The following CCDC14 variants were observed in gnomAD, a reference collection of about 807,000 sequenced individuals.
CCDC14 encodes the protein coiled-coil domain containing 14, also known as coiled-coil domain-containing protein 14.
A neutral mutation model predicts 81.4 loss-of-function variants in CCDC14; 71 were observed. That is an observed-to-expected ratio of 0.87 (90% CI 0.72 to 1.06). The LOEUF (loss-of-function observed/expected upper bound fraction) is 1.06, where lower values mean the gene tolerates loss of function less well. Among genes scored for constraint, CCDC14 ranks in the 50% least tolerant of loss-of-function variants. The pLI is 0.00. For missense variants in CCDC14, 1,046 were observed against 1,047.3 expected (o/e 1.00, Z 0.02); for synonymous variants, 332 against 364.8 (o/e 0.91, Z 1.03).
At chr3:123,934,208 G>A (rs1254509504) in intron 9 of CCDC14, among the ~76,000 whole-genome samples, 1 of 138,852 alleles carries the variant, frequency 7.2e-6, no homozygotes, top group African/African-American at 2.7e-5. Flanking sequence ...GGGAGGTGGA[G>A]GTTGCAGTGA....
rs2035682403 is a variant in CCDC14, at chr3:123,931,230, C to T, written c.1650G>A (p.Leu550=). 1.2e-6 allele frequency: 2 copies of T among 1,601,042 alleles called. No homozygotes were observed. The change falls in exon 12 of 13, where the codon TTG becomes TTA. Residue 550 remains leucine, a synonymous_variant. Transcript: ENST00000409697. ...TTTTCACATTGACTAGGGCTTCCTC[C>T]AATTCTAAAACAACAAAAGTTTCAG... is the stretch of plus-strand genomic sequence containing the variant. ...DIEITRIKIE[L]EEALVNVKSS... is the part of the protein sequence containing the mutation.
Position 123,931,490 on chromosome 3 carries a change from T to C in CCDC14, c.1463A>G (p.Asn488Ser), listed in dbSNP as rs1294234157. 1 of 1,572,014 alleles carries C rather than the reference T, an allele frequency of 6.4e-7. No homozygotes were observed. ...SLQSLNMSLQ[N>S]QLEESLKSQE... is the part of the protein sequence containing the mutation. Reference sequence around the variant, plus strand: ...GCTCTTTAGTGACTCCTCCAATTGATTTTGCAGTGACATATTCAATGACTG... The same window carrying C: ...GCTCTTTAGTGACTCCTCCAATTGACTTTGCAGTGACATATTCAATGACTG... The change falls in exon 11 of 13, where the codon AAT (asparagine) becomes AGT (serine). Residue 488 changes from asparagine to serine, a missense_variant. By Grantham distance (46) the Asn-to-Ser change is conservative. Coordinates refer to ENST00000409697, the MANE Select transcript of CCDC14 (RefSeq NM_001366335.1).
At chr3:123,895,173 T>G (rs1043849456), downstream of CCDC14, among the ~76,000 whole-genome samples, 1 of 152,140 alleles carries the variant, frequency 6.6e-6, no homozygotes, top group African/African-American at 2.4e-5. Context: ...CCCATTTATT[T>G]TTACTACCTT....
rs751489937 is a variant in CCDC14, at chr3:123,947,358, A to G, written c.685-39T>C. On this transcript the variant is annotated intron_variant, in intron 7 of 12. Coordinates refer to ENST00000409697, the MANE Select transcript of CCDC14 (RefSeq NM_001366335.1). ...AAAACAAGTCTTCAGAAGTATGAGC[A>G]CTCATTTGTAGGTATTAATTACAAC... 5.4e-6 allele frequency: 8 copies of G among 1,488,000 alleles called. No individual in the cohort carries two copies. The Admixed American group carries it at 7.9e-5, about 15-fold the overall frequency. 92.2% of individuals were successfully genotyped at this position (1,488,000 alleles called of 1,614,324 possible).
chr3:123,904,128 C>G (rs960869427), intron 5 of CCDC14, among the ~76,000 whole-genome samples: 3 of 152,188 alleles, frequency 2.0e-5, no homozygotes, highest in Middle Eastern at 3.4e-3. Flanking sequence ...TCATGGAATA[C>G]TAACTAGCCA....
intron 8 of CCDC14, among the ~76,000 whole-genome samples, chr3:123,946,232 C>G (rs2036615898): frequency 6.7e-6 from 1 of 150,312 alleles, no homozygotes; most frequent in African/African-American, 2.5e-5. Flanking sequence ...TCATTTCAAG[C>G]AAAAGCCATT....
At chr3:123,921,932 T>C (rs2035071298) in intron 12 of CCDC14, among the ~76,000 whole-genome samples, 1 of 152,174 alleles carries the variant, frequency 6.6e-6, no homozygotes, top group East Asian at 1.9e-4. Flanking sequence ...AGAGTACACA[T>C]TCTTCTCTTG....
rs191607495 is a variant in CCDC14 at position 123,932,108 on chromosome 3, T to C, written c.1427-582A>G. Among the ~76,000 whole-genome samples, 92 of 152,282 alleles carry C rather than the reference T, an allele frequency of 6.0e-4. 2 individuals carry two copies. In the South Asian group the frequency reaches 0.011, roughly 18 times the overall value. On this transcript the variant is annotated intron_variant, in intron 10 of 12. Coordinates refer to ENST00000409697, the MANE Select transcript of CCDC14 (RefSeq NM_001366335.1). Reference sequence around the variant, plus strand: ...AAATACATGCTCAGCGAATGCTTCCTATGTGTGAGGTATTGTATTAGAATC... The same window carrying C: ...AAATACATGCTCAGCGAATGCTTCCCATGTGTGAGGTATTGTATTAGAATC...
Position 123,956,407 on chromosome 3 carries a change from G to A in CCDC14, c.107C>T (p.Pro36Leu). ...ATAGCCAGAATCTGCATTAAAACGT[G>A]GTATTTTTCTTAAATAGGTCCTGGA... The part of the protein sequence containing the change: ...GKKATYLRKI[P>L]RFNADSGYSI... The change falls in exon 3 of 13, where the codon CCA becomes CTA. Residue 36 changes from proline (P) to leucine (L), a missense_variant. Physicochemically the swap from Pro to Leu is moderately conservative, Grantham distance 98 (BLOSUM62 -3). Coordinates refer to ENST00000409697, the MANE Select transcript of CCDC14 (RefSeq NM_001366335.1). 1 of 1,545,700 alleles carries A rather than the reference G, an allele frequency of 6.5e-7. No homozygotes were observed. Among genetic ancestry groups the A allele is most frequent in the Non-Finnish European group, 8.7e-7 (1 of 1,144,184 alleles).
At chr3:123,935,986 C>G (rs2148877383) in intron 9 of CCDC14, among the ~76,000 whole-genome samples, 1 of 152,116 alleles carries the variant, frequency 6.6e-6, no homozygotes, top group Non-Finnish European at 1.5e-5. Context: ...TTATCTGTGC[C>G]CTGGATCCCA....
At chr3:123,946,195 G>A (rs2036614481) in intron 8 of CCDC14, among the ~76,000 whole-genome samples, 1 of 148,930 alleles carries the variant, frequency 6.7e-6, no homozygotes, top group Admixed American at 6.7e-5. Flanking sequence ...ATCAATTACT[G>A]TGTTTCCAAG....
At chr3:123,921,207 T>C (rs1393115084) in intron 12 of CCDC14, among the ~76,000 whole-genome samples, 2 of 152,198 alleles carry the variant, frequency 1.3e-5, no homozygotes, top group African/African-American at 2.4e-5. Flanking sequence ...AACAATTACC[T>C]TGAATGTAAA....
chr3:123,915,751 T>C, intron 12 of CCDC14, 33 bp from the exon 13 acceptor site: 8 of 1,459,744 alleles, frequency 5.5e-6, no homozygotes, highest in Non-Finnish European at 7.4e-6. Context: ...CTAATTATTA[T>C]TTTTTACCTG....
At chr3:123,923,730 TAA>T (rs1491428079) in intron 12 of CCDC14, among the ~76,000 whole-genome samples, 1 of 150,930 alleles carries the variant, frequency 6.6e-6, no homozygotes, top group African/African-American at 2.4e-5. Flanking sequence ...TAGTATTTAC[TAA>T]ATATATACAT....
chr3:123,941,101 T>C (rs970133093), intron 9 of CCDC14, among the ~76,000 whole-genome samples: 1 of 151,974 alleles, frequency 6.6e-6, no homozygotes, highest in African/African-American at 2.4e-5. Flanking sequence ...TCATGAATTC[T>C]TGGCACTCTC....
rs1455985776 is a variant in CCDC14, at chr3:123,959,018, A to G, written c.30+2126T>C. 3.3e-5 allele frequency: 5 copies of G among 152,144 alleles called. No individual in the cohort carries two copies. In the East Asian group the frequency reaches 9.6e-4, roughly 29 times the overall value. 9.4% of individuals were successfully genotyped at this position (152,144 alleles called of 1,614,324 possible). On this transcript the variant is annotated intron_variant, in intron 1 of 12. Transcript: ENST00000409697. ...GAATAATAGTCCATTGTATGTATAT[A>G]CCATATTTTCTTTATCTGTTCATCT...
At chr3:123,957,628 A>G (rs2037404541) in intron 1 of CCDC14, 1 of 152,114 alleles carries the variant, frequency 6.6e-6, no homozygotes, top group South Asian at 2.1e-4. Context: ...ACAGGAAAAA[A>G]TAAGCATTTG....
Position 123,915,164 on chromosome 3 carries a change from C to A in CCDC14, c.2333G>T (p.Cys778Phe). 1 of 1,613,892 alleles carries A rather than the reference C, an allele frequency of 6.2e-7. No homozygotes were observed. Among genetic ancestry groups the A allele is most frequent in the African/African-American group, 1.3e-5 (1 of 75,058 alleles). Reference sequence around the variant, plus strand: ...TGAAGAGGAACAGATTACAGGTGTACACAGTTTATTTTCTTTTCCAGAGAC... The same window carrying A: ...TGAAGAGGAACAGATTACAGGTGTAAACAGTTTATTTTCTTTTCCAGAGAC... The part of the protein sequence containing the change: ...LAVSGKENKL[C>F]TPVICSSSTK... The change falls in exon 13 of 13, where the codon TGT (cysteine) becomes TTT (phenylalanine). Residue 778 changes from cysteine to phenylalanine, a missense_variant. Cys to Phe is a radical substitution (Grantham distance 205). Coordinates refer to ENST00000409697, the MANE Select transcript of CCDC14 (RefSeq NM_001366335.1).
At chr3:123,948,305 C>T (rs1411201050) in intron 7 of CCDC14, among the ~76,000 whole-genome samples, 1 of 150,850 alleles carries the variant, frequency 6.6e-6, no homozygotes, top group African/African-American at 2.4e-5. Flanking sequence ...GGCGCGATCT[C>T]ACTCACTGCT....
Sources: gnomAD v4.1 joint callset for allele counts (sites outside exome capture counted in the v4.1 genomes callset) on GRCh38, gnomAD v4.1.1 for gene constraint, MANE v1.5 for transcripts, NCBI Gene and HGNC (gene_info 2026-07-23, HGNC 2026-07-21) for gene names.